Variants in LBH observed in about 807,000 individuals in gnomAD.
LBH encodes the protein protein LBH.
In LBH, 7 loss-of-function variants were observed where a neutral mutation model predicts 12.5. The observed-to-expected ratio is 0.56, with a 90% CI of 0.32 to 1.05. LBH has a LOEUF of 1.05. Ranked by LOEUF, LBH falls within the 50% of genes least tolerant of loss-of-function variation. The pLI, the probability that LBH is intolerant of heterozygous loss-of-function variation, is 0.04. For missense variants in LBH, 119 were observed against 138.9 expected (o/e 0.86, Z 0.72); for synonymous variants, 51 against 50.1 (o/e 1.02, Z -0.08).
chr2:30,237,361 T>C (rs751217490), intron 2 of LBH, among the ~76,000 whole-genome samples: 5 of 152,208 alleles, frequency 3.3e-5, no homozygotes, highest in Non-Finnish European at 7.3e-5. Flanking sequence ...GAGTGAAGCT[T>C]TCCTGATTTC....
At chr2:30,252,675 A>AC (rs980962373) in intron 2 of LBH, among the ~76,000 whole-genome samples, 4 of 151,508 alleles carry the variant, frequency 2.6e-5, no homozygotes, top group African/African-American at 7.3e-5. Flanking sequence ...AAAAAAAAAA[A>AC]CCTCTTTCCT....
rs1005614492 is a variant in LBH at position 30,234,453 on chromosome 2, C to G, written c.75C>G (p.Thr25=). 1 of 1,613,998 alleles carries G rather than the reference C, an allele frequency of 6.2e-7. No homozygotes were observed. Among genetic ancestry groups the G allele is most frequent in the African/African-American group, 1.3e-5 (1 of 74,910 alleles). ...AGATGACTGAGGTGATGATGAACACCCAGCCCATGGAGGAGATCGGCCTCA... is the reference window on the plus strand; with the variant it reads ...AGATGACTGAGGTGATGATGAACACGCAGCCCATGGAGGAGATCGGCCTCA... The part of the protein sequence containing the change: ...SAKMTEVMMN[T]QPMEEIGLSP... The change falls in exon 2 of 3, where the codon ACC becomes ACG. Residue 25 remains threonine, a synonymous_variant. Transcript: ENST00000395323.
intron 2 of LBH, among the ~76,000 whole-genome samples, chr2:30,234,782 C>T (rs554318990): frequency 6.6e-6 from 1 of 152,168 alleles, no homozygotes; most frequent in South Asian, 2.1e-4. Context: ...CAAGCATTAG[C>T]CATTGTGATG....
chr2:30,248,058 T>G (rs935710124), intron 2 of LBH, among the ~76,000 whole-genome samples: 2 of 152,204 alleles, frequency 1.3e-5, no homozygotes, highest in African/African-American at 4.8e-5. Flanking sequence ...CTAGGCTAAA[T>G]AGAATATGCC....
intron 2 of LBH, among the ~76,000 whole-genome samples, chr2:30,252,478 T>C (rs1572383653): frequency 6.6e-6 from 1 of 152,048 alleles, no homozygotes; most frequent in African/African-American, 2.4e-5. Context: ...CTGGCTAACA[T>C]GGTGAACCAT....
At chr2:30,250,062 G>A (rs576874502) in intron 2 of LBH, among the ~76,000 whole-genome samples, 1 of 152,276 alleles carries the variant, frequency 6.6e-6, no homozygotes, top group Non-Finnish European at 1.5e-5. Flanking sequence ...ACGTGACCAG[G>A]GTCATAGCGA....
chr2:30,237,465 C>G (rs1677709812), intron 2 of LBH, among the ~76,000 whole-genome samples: 1 of 147,760 alleles, frequency 6.8e-6, no homozygotes. Flanking sequence ...TTTACCTTCT[C>G]TTTGCCCAGG....
intron 2 of LBH, among the ~76,000 whole-genome samples, chr2:30,248,592 C>T (rs1320036963): frequency 6.6e-6 from 1 of 152,108 alleles, no homozygotes; most frequent in Non-Finnish European, 1.5e-5. Flanking sequence ...GATGTGCCAC[C>T]CACAGATGCC....
chr2:30,231,762 CTG>C lies in LBH; in HGVS notation c.25_26del (p.Cys9ProfsTer11). 6.4e-7 allele frequency: 1 copy of C among 1,571,946 alleles called. No homozygotes were observed. Among genetic ancestry groups the C allele is most frequent in the South Asian group, 1.2e-5 (1 of 86,334 alleles). On this transcript the variant is annotated frameshift_variant and splice_region_variant, in exon 1 of 3. Coordinates refer to ENST00000395323, the MANE Select transcript of LBH (RefSeq NM_030915.4). LOFTEE classifies it high-confidence loss of function. ...TCATGTCTATATATTTCCCCATTCA[CTG>C]GTGAGTACCCTGCGCCTGCGGCGGG... MSIYFPIHCPDYLRSAKMT... is the reference protein window; with the variant it reads MSIYFPIHXPDYLRSAKMT...
chr2:30,257,048 T>C (rs1678097825), intron 2 of LBH, among the ~76,000 whole-genome samples: 1 of 152,262 alleles, frequency 6.6e-6, no homozygotes, highest in African/African-American at 2.4e-5. Flanking sequence ...TGGCACCTGT[T>C]GTATTCTTTG....
intron 1 of LBH, among the ~76,000 whole-genome samples, chr2:30,233,590 G>A (rs977543597): frequency 1.3e-5 from 2 of 152,254 alleles, no homozygotes; most frequent in Non-Finnish European, 2.9e-5. Context: ...ACGGGATCCT[G>A]TATGTGCCCA....
chr2:30,237,489 G>A (rs1306356266), intron 2 of LBH, among the ~76,000 whole-genome samples: 1 of 152,108 alleles, frequency 6.6e-6, no homozygotes, highest in Non-Finnish European at 1.5e-5. Flanking sequence ...TTGAAGGCAA[G>A]GGAGGACTTA....
chr2:30,231,821 G>A (rs928879824), intron 1 of LBH, 57 bp downstream of exon 1: 8 of 1,500,518 alleles, frequency 5.3e-6, no homozygotes, highest in Non-Finnish European at 7.1e-6. Context: ...TGCGGGCCCG[G>A]GCGCCTGCTT....
At chr2:30,242,585 G>A (rs577316813) in intron 2 of LBH, among the ~76,000 whole-genome samples, 11 of 151,986 alleles carry the variant, frequency 7.2e-5, no homozygotes, top group African/African-American at 2.7e-4. Context: ...ACAGAGACAT[G>A]GGAAGAGAAA....
intron 1 of LBH, among the ~76,000 whole-genome samples, chr2:30,233,575 T>G (rs1399466805): frequency 2.0e-5 from 3 of 152,268 alleles, no homozygotes; most frequent in Non-Finnish European, 4.4e-5. Flanking sequence ...TTCAGCATTA[T>G]GTGCACGGGA....
In LBH at chr2:30,231,579, C is replaced by T; in HGVS notation, c.-160C>T. On this transcript the variant is annotated 5_prime_UTR_variant, in exon 1 of 3. The change creates a new upstream start codon in the 5' untranslated region. Transcript: ENST00000395323. ...CGGGGAGTTGTGTCCACCTTGCCGA[C>T]GTCGCTAGCCGTGGGGCTGTCCTGG... The T allele has an allele frequency of 3.0e-6, 2 of 665,440 alleles. No individual in the cohort carries two copies. The highest frequency in any genetic ancestry group is 2.7e-6 in the Non-Finnish European group (1 of 372,396). The allele number at this position is 665,440 out of a possible 1,614,324, so 41.2% of individuals were successfully genotyped here.
rs368088545 is a variant in LBH, at chr2:30,234,480, C to A, written c.102C>A (p.Ser34Arg). The A allele has an allele frequency of 1.8e-4, 292 of 1,613,728 alleles. No homozygotes were observed. Among genetic ancestry groups the A allele is most frequent in the Non-Finnish European group, 2.2e-4 (264 of 1,179,740 alleles). Residue 34 changes from serine (S) to arginine (R), a missense_variant, in exon 2 of 3, where the codon AGC (serine) becomes AGA (arginine). Ser to Arg is a moderately radical substitution (Grantham distance 110, BLOSUM62 -1). Transcript: ENST00000395323. ...AGCCCATGGAGGAGATCGGCCTCAG[C>A]CCCCGCAAGGATGGCCTTTCCTACC... ...NTQPMEEIGL[S>R]PRKDGLSYQI...
chr2:30,253,963 G>A (rs913949993), intron 2 of LBH, among the ~76,000 whole-genome samples: 6 of 152,146 alleles, frequency 3.9e-5, no homozygotes, highest in East Asian at 3.8e-4. Context: ...TCAAGTGAAC[G>A]CTTCATTTGA....
intron 2 of LBH, among the ~76,000 whole-genome samples, chr2:30,249,818 A>G (rs1366780883): frequency 6.6e-6 from 1 of 152,202 alleles, no homozygotes; most frequent in Non-Finnish European, 1.5e-5. Flanking sequence ...TTTACAGGGC[A>G]TGTTCACACA....
Sources: allele counts gnomAD v4.1 joint callset (sites outside exome capture counted in the v4.1 genomes callset), GRCh38; gene constraint gnomAD v4.1.1; transcripts MANE v1.5; gene names NCBI Gene and HGNC (gene_info 2026-07-23, HGNC 2026-07-21).